GABRG3: variants seen among roughly 807,000 people sequenced by gnomAD.
The protein encoded by GABRG3 is gamma-aminobutyric acid receptor subunit gamma-3.
A neutral mutation model predicts 48.8 loss-of-function variants in GABRG3; 25 were observed. That is an observed-to-expected ratio of 0.51 (90% CI 0.37 to 0.72). The LOEUF (loss-of-function observed/expected upper bound fraction) is 0.72. GABRG3 is among the 30% of genes least tolerant of loss of function. The pLI, the probability that GABRG3 is intolerant of heterozygous loss-of-function variation, is 0.00. For missense variants in GABRG3, 394 were observed against 577.9 expected (o/e 0.68, Z 3.26); for synonymous variants, 227 against 217.6 (o/e 1.04, Z -0.38).
At chr15:27,209,502 T>C (rs1889001091) in intron 3 of GABRG3, among the ~76,000 whole-genome samples, 1 of 151,974 alleles carries the variant, frequency 6.6e-6, no homozygotes, top group Admixed American at 6.5e-5. Flanking sequence ...ACGCAAGCAA[T>C]GTAAGAGGAA....
At chr15:27,348,959 C>T (rs776327247) in intron 5 of GABRG3, among the ~76,000 whole-genome samples, 6 of 152,088 alleles carry the variant, frequency 3.9e-5, no homozygotes, top group Non-Finnish European at 8.8e-5. Flanking sequence ...TAGTGGGACA[C>T]AGGAAGAACT....
chr15:27,433,276 G>T (rs530901310), intron 5 of GABRG3, among the ~76,000 whole-genome samples: 2 of 152,326 alleles, frequency 1.3e-5, no homozygotes, highest in East Asian at 3.9e-4. Context: ...AAACTTAGTG[G>T]CTTAAAACAA....
chr15:27,214,466 G>A (rs970529098), intron 3 of GABRG3, among the ~76,000 whole-genome samples: 7 of 152,116 alleles, frequency 4.6e-5, no homozygotes, highest in African/African-American at 9.7e-5. Flanking sequence ...CATTTAGGGC[G>A]ATAGCCTCTG....
At chr15:27,316,386 T>C (rs1349973440) in intron 3 of GABRG3, among the ~76,000 whole-genome samples, 2 of 54,658 alleles carry the variant, frequency 3.7e-5, no homozygotes, top group East Asian at 1.2e-3. Flanking sequence ...AGACTCCGTC[T>C]CAAAAAAAAA....
At chr15:26,980,049 G>GT (rs1417450307) in intron 2 of GABRG3, among the ~76,000 whole-genome samples, 4 of 151,864 alleles carry the variant, frequency 2.6e-5, no homozygotes, top group Admixed American at 2.0e-4. Flanking sequence ...GGTTGTGGTG[G>GT]TTTTTTTCAA....
chr15:27,321,123 T>A (rs961345512), intron 3 of GABRG3, among the ~76,000 whole-genome samples: 2 of 152,218 alleles, frequency 1.3e-5, no homozygotes, highest in African/African-American at 4.8e-5. Flanking sequence ...GGGGACCAGA[T>A]GTGGCCTCCA....
intron 4 of GABRG3, among the ~76,000 whole-genome samples, chr15:27,328,439 G>C (rs1205503435): frequency 6.6e-6 from 1 of 152,224 alleles, no homozygotes; most frequent in Non-Finnish European, 1.5e-5. Flanking sequence ...TGGCATAATA[G>C]CTGTTTAGAT....
At chr15:27,266,466 A>G (rs1195153974) in intron 3 of GABRG3, among the ~76,000 whole-genome samples, 1 of 152,210 alleles carries the variant, frequency 6.6e-6, no homozygotes, top group East Asian at 1.9e-4. Flanking sequence ...CCTTGAAATC[A>G]GATTTTGATC....
chr15:27,449,554 A>C (rs1050402117), intron 5 of GABRG3, among the ~76,000 whole-genome samples: 3 of 152,246 alleles, frequency 2.0e-5, no homozygotes. Flanking sequence ...GAGTTTCATT[A>C]TTTTGAGATT....
chr15:27,126,693 C>G (rs1222688721), intron 3 of GABRG3, among the ~76,000 whole-genome samples: 2 of 152,234 alleles, frequency 1.3e-5, no homozygotes, highest in Non-Finnish European at 2.9e-5. Context: ...TGGAATAGCA[C>G]TGAGCCACTG....
intron 3 of GABRG3, among the ~76,000 whole-genome samples, chr15:27,265,879 C>T (rs1890901611): frequency 2.9e-5 from 2 of 69,512 alleles, no homozygotes; most frequent in Admixed American, 1.4e-4. Context: ...AGATTTTCTC[C>T]TGGTTTTTTT....
At chr15:27,484,035 A>G (rs1388438267) in intron 6 of GABRG3, among the ~76,000 whole-genome samples, 1 of 152,158 alleles carries the variant, frequency 6.6e-6, no homozygotes, top group Non-Finnish European at 1.5e-5. Flanking sequence ...CCTAGGTTCA[A>G]GCAATTCTCC....
intron 5 of GABRG3, among the ~76,000 whole-genome samples, chr15:27,397,059 C>CA (rs1272635436): frequency 6.6e-6 from 1 of 151,808 alleles, no homozygotes; most frequent in Non-Finnish European, 1.5e-5. Context: ...AACTGCACAA[C>CA]AAAAAAATAC....
intron 3 of GABRG3, among the ~76,000 whole-genome samples, chr15:27,287,235 A>AAGGG (rs1056291512): frequency 2.6e-5 from 4 of 152,184 alleles, no homozygotes; most frequent in Non-Finnish European, 5.9e-5. Flanking sequence ...TATTCAGAAA[A>AAGGG]TATTAAAAAG....
At chr15:27,340,913 T>G (rs1894151231) in intron 5 of GABRG3, 1 of 470,760 alleles carries the variant, frequency 2.1e-6, no homozygotes, top group Non-Finnish European at 4.1e-6. Flanking sequence ...GTGCAGCATT[T>G]GCTTTTTGAA....
intron 3 of GABRG3, among the ~76,000 whole-genome samples, chr15:27,166,296 A>G (rs961353859): frequency 3.3e-5 from 5 of 152,210 alleles, no homozygotes; most frequent in African/African-American, 1.2e-4. Flanking sequence ...TTCTTATGGT[A>G]TCTCAGCTGA....
intron 3 of GABRG3, among the ~76,000 whole-genome samples, chr15:27,135,119 CAT>C (rs774949059): frequency 7.9e-5 from 12 of 152,266 alleles, no homozygotes; most frequent in South Asian, 2.1e-4. Flanking sequence ...GATGAGCAAA[CAT>C]GTGTTTTTAG....
intron 5 of GABRG3, among the ~76,000 whole-genome samples, chr15:27,418,556 C>G (rs1012797314): frequency 2.0e-5 from 3 of 152,200 alleles, no homozygotes; most frequent in Admixed American, 1.3e-4. Flanking sequence ...AGCCAAGCCA[C>G]CCCCGGCCAC....
At chr15:26,972,146 A>AAC (rs1015761678) in intron 1 of GABRG3, among the ~76,000 whole-genome samples, 37 of 151,826 alleles carry the variant, frequency 2.4e-4, no homozygotes, top group East Asian at 1.6e-3. Flanking sequence ...AGGTCCTGCA[A>AAC]ACACACACAC....
Sources: gnomAD v4.1 joint callset for allele counts (sites outside exome capture counted in the v4.1 genomes callset) on GRCh38, gnomAD v4.1.1 for gene constraint, MANE v1.5 for transcripts, NCBI Gene and HGNC (gene_info 2026-07-23, HGNC 2026-07-21) for gene names.